The following HEPHL1 variants were observed in gnomAD, a reference collection of about 807,000 sequenced individuals.
HEPHL1 encodes the protein ferroxidase HEPHL1.
In HEPHL1, 123 loss-of-function variants were observed where a neutral mutation model predicts 122.0. The ratio of observed to expected loss-of-function variants is 1.01; its 90% confidence interval spans 0.87 to 1.17. The LOEUF is 1.17. Among genes scored for constraint, HEPHL1 ranks in the 50% most tolerant of loss-of-function variants. HEPHL1 has a pLI of 0.00. For missense variants in HEPHL1, 1,452 were observed against 1,430.5 expected (o/e 1.01, Z -0.24); for synonymous variants, 527 against 508.9 (o/e 1.04, Z -0.48).
intron 12 of HEPHL1, among the ~76,000 whole-genome samples, chr11:94,089,379 T>G (rs1022918525): frequency 2.6e-5 from 4 of 152,162 alleles, no homozygotes; most frequent in African/African-American, 9.7e-5. Context: ...GCTGAGCCAC[T>G]GGCAGAGCGC....
chr11:94,070,479 T>C lies in HEPHL1; in HGVS notation c.1169T>C (p.Leu390Pro), dbSNP rs1007291469. 6.2e-7 allele frequency: 1 copy of C among 1,611,072 alleles called. No homozygotes were observed. Among genetic ancestry groups the C allele is most frequent in the Non-Finnish European group, 8.5e-7 (1 of 1,178,540 alleles). ...TACTTTATAGCAGCTGAAAAAATTC[T>C]TTGGGATTATGCTCCTCAAGGCTAT... ...RRYFIAAEKI[L>P]WDYAPQGYNK... The change falls in exon 6 of 20, where the codon CTT (leucine) becomes CCT (proline). Residue 390 changes from leucine to proline, a missense_variant. Leu to Pro is a moderately conservative substitution (Grantham distance 98, BLOSUM62 -3). Transcript: ENST00000315765.
intron 13 of HEPHL1, among the ~76,000 whole-genome samples, chr11:94,094,201 A>C (rs1302162193): frequency 6.6e-6 from 1 of 151,308 alleles, no homozygotes; most frequent in Non-Finnish European, 1.5e-5. Context: ...TCCTGTGTCC[A>C]AATGTTCTCA....
chr11:94,091,888 T>C (rs1160941944), intron 12 of HEPHL1, among the ~76,000 whole-genome samples: 1 of 152,090 alleles, frequency 6.6e-6, no homozygotes, highest in East Asian at 1.9e-4. Context: ...ATGTTTAGAA[T>C]GACCAGAACA....
At chr11:94,031,403 T>C (rs943996241) in intron 1 of HEPHL1, among the ~76,000 whole-genome samples, 2 of 151,572 alleles carry the variant, frequency 1.3e-5, no homozygotes, top group Non-Finnish European at 2.9e-5. Flanking sequence ...GGCTCTGCAA[T>C]TTGCTTTTTT....
In HEPHL1 at chr11:94,088,768, GTTTT is replaced by G; in HGVS notation, c.2095_2098del (p.Phe699ValfsTer32). On this transcript the variant is annotated frameshift_variant, in exon 12 of 20. Coordinates refer to ENST00000315765, the MANE Select transcript of HEPHL1 (RefSeq NM_001098672.2). LOFTEE classifies it high-confidence loss of function. ...TTTCTCTTGCAGGTATTTTTAGGGTGTTTTGTGCCACCATGCCCCACCTCTCGAG... is the reference window on the plus strand; with the variant it reads ...TTTCTCTTGCAGGTATTTTTAGGGTGGTGCCACCATGCCCCACCTCTCGAG... The G allele has an allele frequency of 6.2e-7, 1 of 1,613,464 alleles. No individual in the cohort carries two copies. Among genetic ancestry groups the G allele is most frequent in the Non-Finnish European group, 8.5e-7 (1 of 1,179,596 alleles).
At chr11:94,079,405 C>T (rs1946151123) in intron 9 of HEPHL1, among the ~76,000 whole-genome samples, 1 of 152,130 alleles carries the variant, frequency 6.6e-6, no homozygotes, top group East Asian at 1.9e-4. Context: ...AATTTCAAGT[C>T]TTCATTGTTT....
intron 1 of HEPHL1, among the ~76,000 whole-genome samples, chr11:94,027,110 C>T (rs1277965731): frequency 6.6e-6 from 1 of 152,108 alleles, no homozygotes; most frequent in Non-Finnish European, 1.5e-5. Context: ...TGCCAGCATT[C>T]CTTGGCTGTG....
chr11:94,081,346 T>G (rs770021628), intron 9 of HEPHL1, among the ~76,000 whole-genome samples: 1 of 152,196 alleles, frequency 6.6e-6, no homozygotes, highest in Non-Finnish European at 1.5e-5. Flanking sequence ...ATGCATGCTG[T>G]GCTTAATACC....
intron 4 of HEPHL1, among the ~76,000 whole-genome samples, chr11:94,066,498 G>C (rs1946035297): frequency 6.6e-6 from 1 of 151,480 alleles, no homozygotes; most frequent in African/African-American, 2.4e-5. Flanking sequence ...AGGTTGCAGT[G>C]AGCTGAGATT....
chr11:94,056,431 C>T (rs1056535649), intron 2 of HEPHL1, among the ~76,000 whole-genome samples: 1 of 151,940 alleles, frequency 6.6e-6, no homozygotes, highest in East Asian at 1.9e-4. Flanking sequence ...TTCCTCTGGT[C>T]CTCTTTTACT....
In HEPHL1 at chr11:94,104,778, A is replaced by G. The variant is rs755422429; in HGVS notation, c.2905+28A>G. The G allele has an allele frequency of 8.0e-6, 12 of 1,509,110 alleles. No individual in the cohort carries two copies. In the African/African-American group the frequency reaches 1.2e-4, roughly 16 times the overall value. 93.5% of individuals were successfully genotyped at this position (1,509,110 alleles called of 1,614,324 possible). On this transcript the variant is annotated intron_variant, in intron 16 of 19. Coordinates refer to ENST00000315765, the MANE Select transcript of HEPHL1 (RefSeq NM_001098672.2). The stretch of plus-strand genomic sequence containing the variant: ...ATATCCAAAGTTTAAAAAGAAGCCT[A>G]TGTTGAGATAAGCTCATAGGAATTC...
intron 5 of HEPHL1, among the ~76,000 whole-genome samples, chr11:94,070,052 G>A (rs1334187430): frequency 2.0e-5 from 3 of 151,996 alleles, no homozygotes; most frequent in Non-Finnish European, 4.4e-5. Context: ...GTACTGTTAA[G>A]GTTGAACCTC....
At chr11:94,049,033 G>A (rs1185079730) in intron 2 of HEPHL1, among the ~76,000 whole-genome samples, 1 of 151,892 alleles carries the variant, frequency 6.6e-6, no homozygotes, top group Non-Finnish European at 1.5e-5. Context: ...AGGCAGGATA[G>A]TCGCTTGAAC....
intron 11 of HEPHL1, among the ~76,000 whole-genome samples, chr11:94,087,513 T>A (rs1357553350): frequency 6.6e-6 from 1 of 152,092 alleles, no homozygotes; most frequent in Non-Finnish European, 1.5e-5. Context: ...GTGGGTAGAG[T>A]AGACTATATG....
chr11:94,042,926 G>C (rs1050404615), intron 1 of HEPHL1, among the ~76,000 whole-genome samples: 1 of 145,582 alleles, frequency 6.9e-6, no homozygotes, highest in African/African-American at 2.5e-5. Context: ...CCCAGAGTGG[G>C]TGGATTGAAT....
chr11:94,026,065 GAT>G (rs1945622162), intron 1 of HEPHL1, among the ~76,000 whole-genome samples: 2 of 152,172 alleles, frequency 1.3e-5, no homozygotes, highest in Non-Finnish European at 1.5e-5. Context: ...GGTATAACAA[GAT>G]ATCAGGGGCT....
At chr11:94,108,073 T>G (rs929891078) in intron 17 of HEPHL1, among the ~76,000 whole-genome samples, 3 of 152,158 alleles carry the variant, frequency 2.0e-5, no homozygotes, top group Non-Finnish European at 2.9e-5. Flanking sequence ...TTTATTTCAT[T>G]TTTTTCCCTT....
intron 1 of HEPHL1, among the ~76,000 whole-genome samples, chr11:94,044,888 A>G (rs1182343362): frequency 2.6e-5 from 4 of 151,056 alleles, no homozygotes; most frequent in African/African-American, 9.8e-5. Flanking sequence ...TTAGCCTCCC[A>G]AAGTGGGATT....
chr11:94,026,584 T>C (rs1945627606), intron 1 of HEPHL1, among the ~76,000 whole-genome samples: 1 of 152,214 alleles, frequency 6.6e-6, no homozygotes, highest in South Asian at 2.1e-4. Context: ...AGATAACTCA[T>C]TGACAGTATA....
Sources: allele counts gnomAD v4.1 joint callset (sites outside exome capture counted in the v4.1 genomes callset), GRCh38; gene constraint gnomAD v4.1.1; transcripts MANE v1.5; gene names NCBI Gene and HGNC (gene_info 2026-07-23, HGNC 2026-07-21).